Variants in HTR1E observed in about 807,000 individuals in gnomAD.
HTR1E encodes the protein 5-hydroxytryptamine receptor 1E, also known as 5-HT-1E.
Under a neutral mutation model 3.4 loss-of-function variants are expected in HTR1E, and 3 were observed. The ratio of observed to expected loss-of-function variants is 0.89; its 90% CI spans 0.41 to 2.31. The LOEUF (loss-of-function observed/expected upper bound fraction) is 2.31. Among genes scored for constraint, HTR1E ranks in the 30% most tolerant of loss-of-function variants. The pLI is 0.05. For missense variants in HTR1E, 392 were observed against 467.0 expected (o/e 0.84, Z 1.48); for synonymous variants, 170 against 182.8 (o/e 0.93, Z 0.56).
At chr6:87,001,526 G>A (rs116696712) in intron 1 of HTR1E, among the ~76,000 whole-genome samples, 114 of 152,272 alleles carry the variant, frequency 7.5e-4, no homozygotes, top group African/African-American at 2.6e-3. Context: ...GATTTTAATT[G>A]GGTGCTGCAG....
At chr6:86,958,526 A>G (rs188970573) in intron 1 of HTR1E, among the ~76,000 whole-genome samples, 99 of 152,322 alleles carry the variant, frequency 6.5e-4, no homozygotes, top group African/African-American at 2.2e-3. Flanking sequence ...GCTAGAATAC[A>G]GGCATTATGA....
intron 1 of HTR1E, among the ~76,000 whole-genome samples, chr6:86,969,216 C>T (rs1767515308): frequency 6.6e-6 from 1 of 151,942 alleles, no homozygotes; most frequent in South Asian, 2.1e-4. Flanking sequence ...GCAAGAAACA[C>T]AGAAACAGCA....
At chr6:86,955,723 T>TGA (rs535352666) in intron 1 of HTR1E, among the ~76,000 whole-genome samples, 4 of 139,048 alleles carry the variant, frequency 2.9e-5, no homozygotes, top group East Asian at 4.3e-4. Flanking sequence ...CTTGAGTGAG[T>TGA]GAGAGAGAGT....
rs541403703 is a variant in HTR1E, at chr6:87,016,441, A to G, written c.*9A>G. ...GCCGAGAGCATACTTAGACTGTAAA[A>G]AGCTAAAAGGCACGACTTTTTCCAG... On this transcript the variant is annotated 3_prime_UTR_variant, in exon 2 of 2. Transcript: ENST00000305344. The G allele has an allele frequency of 6.4e-7, 1 of 1,571,454 alleles. No homozygotes were observed. Among genetic ancestry groups the G allele is most frequent in the South Asian group, 1.2e-5 (1 of 85,030 alleles).
At chr6:86,973,446 G>A (rs1231958587) in intron 1 of HTR1E, among the ~76,000 whole-genome samples, 1 of 152,034 alleles carries the variant, frequency 6.6e-6, no homozygotes, top group East Asian at 1.9e-4. Flanking sequence ...GCTATACCCC[G>A]CTCCATAACC....
intron 1 of HTR1E, among the ~76,000 whole-genome samples, chr6:87,010,314 G>A (rs1197602220): frequency 2.6e-5 from 3 of 114,104 alleles, no homozygotes; most frequent in Admixed American, 8.4e-5. Flanking sequence ...GGGCGGGGGG[G>A]CTGACCCCCC....
chr6:86,976,684 T>A (rs1218451571), intron 1 of HTR1E, among the ~76,000 whole-genome samples: 1 of 152,188 alleles, frequency 6.6e-6, no homozygotes, highest in Non-Finnish European at 1.5e-5. Flanking sequence ...GCTGCTTTTA[T>A]AAAGAAAGAA....
chr6:87,002,909 C>A (rs1328635373), intron 1 of HTR1E, among the ~76,000 whole-genome samples: 2 of 152,186 alleles, frequency 1.3e-5, no homozygotes, highest in Non-Finnish European at 2.9e-5. Context: ...CAGCATTGGA[C>A]AGATCATCCA....
chr6:87,014,643 C>T (rs1338147001), intron 1 of HTR1E, among the ~76,000 whole-genome samples: 2 of 152,180 alleles, frequency 1.3e-5, no homozygotes, highest in Non-Finnish European at 2.9e-5. Flanking sequence ...AGGATGAGTT[C>T]ATGTCCTTTG....
intron 1 of HTR1E, among the ~76,000 whole-genome samples, chr6:86,944,937 T>TTGCTAA (rs113316071): frequency 0.23 from 34,779 of 151,872 alleles, 4,448 homozygotes; most frequent in African/African-American, 0.34. Flanking sequence ...TATATAATAC[T>TTGCTAA]TGATAATAAA....
intron 1 of HTR1E, among the ~76,000 whole-genome samples, chr6:86,963,529 T>G (rs1409767508): frequency 6.6e-6 from 1 of 152,176 alleles, no homozygotes; most frequent in African/African-American, 2.4e-5. Flanking sequence ...TTCTAGGCCT[T>G]CATACTCATC....
intron 1 of HTR1E, among the ~76,000 whole-genome samples, chr6:86,996,057 G>C (rs1237967576): frequency 6.6e-6 from 1 of 151,994 alleles, no homozygotes; most frequent in East Asian, 1.9e-4. Context: ...CTCAAAAACT[G>C]ACAGAACAAA....
At chr6:86,986,216 T>C (rs1423411768) in intron 1 of HTR1E, among the ~76,000 whole-genome samples, 1 of 152,202 alleles carries the variant, frequency 6.6e-6, no homozygotes, top group Admixed American at 6.5e-5. Flanking sequence ...ATTTCCAATA[T>C]CTGGAGGACT....
chr6:87,009,053 TTA>T (rs1306035946), intron 1 of HTR1E, among the ~76,000 whole-genome samples: 3 of 149,374 alleles, frequency 2.0e-5, no homozygotes, highest in Non-Finnish European at 4.4e-5. Flanking sequence ...ACACTTCTTT[TTA>T]TTTTTTTTTT....
chr6:87,016,315 C>G lies in HTR1E; in HGVS notation c.981C>G (p.Asp327Glu), dbSNP rs200268430. 5 of 1,614,200 alleles carry G rather than the reference C, an allele frequency of 3.1e-6. No homozygotes were observed. The Admixed American group carries it at 8.3e-5, about 27-fold the overall frequency. The change falls in exon 2 of 2, where the codon GAC becomes GAG. Residue 327 changes from aspartate to glutamate, a missense_variant. Asp to Glu is a conservative substitution (Grantham distance 45, BLOSUM62 2). Transcript: ENST00000305344. ...ACACCGTGTCCTCGGAAGTGGCCGA[C>G]TTTCTGACGTGGCTCGGTTATGTGA... ...SIYTVSSEVA[D>E]FLTWLGYVNS...
intron 1 of HTR1E, among the ~76,000 whole-genome samples, chr6:86,948,766 G>A (rs1436210511): frequency 2.0e-5 from 3 of 152,154 alleles, no homozygotes; most frequent in Non-Finnish European, 4.4e-5. Context: ...GATAGGCCGT[G>A]ATCCAAGCAG....
chr6:86,977,761 A>T (rs1767659563), intron 1 of HTR1E, among the ~76,000 whole-genome samples: 1 of 152,138 alleles, frequency 6.6e-6, no homozygotes, highest in African/African-American at 2.4e-5. Context: ...GAATGGTGAG[A>T]TGGTATCATA....
chr6:86,965,238 C>T (rs545808844), intron 1 of HTR1E, among the ~76,000 whole-genome samples: 2 of 152,302 alleles, frequency 1.3e-5, no homozygotes, highest in African/African-American at 4.8e-5. Context: ...TGAAGCAGTT[C>T]TCAGAGTCTC....
At chr6:86,988,801 TCTC>T (rs1443479351) in intron 1 of HTR1E, among the ~76,000 whole-genome samples, 4 of 152,040 alleles carry the variant, frequency 2.6e-5, no homozygotes, top group Non-Finnish European at 5.9e-5. Flanking sequence ...AAAACTATTT[TCTC>T]CTGTTTTGTC....
Sources: gnomAD v4.1 joint callset for allele counts (sites outside exome capture counted in the v4.1 genomes callset) on GRCh38, gnomAD v4.1.1 for gene constraint, MANE v1.5 for transcripts, NCBI Gene and HGNC (gene_info 2026-07-23, HGNC 2026-07-21) for gene names.